Variants in TMEM145 observed in about 807,000 individuals in gnomAD.
The protein encoded by TMEM145 is transmembrane protein 145.
Under a neutral mutation model 68.5 loss-of-function variants are expected in TMEM145, and 46 were observed. The observed-to-expected ratio is 0.67, with a 90% CI of 0.53 to 0.86. The LOEUF is 0.86. TMEM145 is among the 40% of genes least tolerant of loss of function. TMEM145 has a pLI of 0.00. For missense variants in TMEM145, 570 were observed against 645.8 expected (o/e 0.88, Z 1.27); for synonymous variants, 255 against 280.2 (o/e 0.91, Z 0.90).
chr19:42,321,386 GTTTTTTT>G lies in TMEM145; in HGVS notation c.1194+964_1194+970del, dbSNP rs751803295. 5 of 160,000 alleles carry G rather than the reference GTTTTTTT, an allele frequency of 3.1e-5. No individual in the cohort carries two copies. The South Asian group carries it at 8.6e-4, about 27-fold the overall frequency. The allele number at this position is 160,000 out of a possible 1,614,324, so 9.9% of individuals were successfully genotyped here. On this transcript the variant is annotated intron_variant, in intron 13 of 14. Transcript: ENST00000301204. ...GCACGCCACCATGCCCGGTTAAGTG[GTTTTTTT>G]TTTTTTTTTTTTTTGAGACGGAGTC...
At chr19:42,316,776 G>T (rs768028391) in intron 10 of TMEM145, 36 bp downstream of exon 10, 18 of 1,611,528 alleles carry the variant, frequency 1.1e-5, no homozygotes, top group South Asian at 3.3e-5. Context: ...GGCGGCTGGT[G>T]GGGGAGCAGG....
At chr19:42,317,962 C>T in intron 12 of TMEM145, 81 bp downstream of exon 12, 1 of 1,485,458 alleles carries the variant, frequency 6.7e-7, no homozygotes, top group Non-Finnish European at 9.3e-7. Flanking sequence ...CTCAGACCCT[C>T]CATAGTGAGG....
intron 12 of TMEM145, among the ~76,000 whole-genome samples, chr19:42,318,926 A>G (rs937552451): frequency 1.3e-5 from 2 of 152,046 alleles, no homozygotes; most frequent in African/African-American, 4.8e-5. Context: ...TACTAAAAAT[A>G]CAAAAAAATT....
At position 42,316,716 on chromosome 19, in the gene TMEM145, T is replaced by A. The variant is rs1359832327; in HGVS notation, c.782T>A (p.Leu261Gln). 6.5e-7 allele frequency: 1 copy of A among 1,537,352 alleles called. No individual in the cohort carries two copies. Residue 261 changes from leucine to glutamine, a missense_variant, in exon 10 of 15, where the codon CTG becomes CAG. Physicochemically the swap from Leu to Gln is moderately radical, Grantham distance 113. Coordinates refer to ENST00000301204, the MANE Select transcript of TMEM145 (RefSeq NM_173633.3). ...ATCTTCCTGCTGATGCTTATCCTCC[T>A]GGGGAAGGGATTCACGGTGACACGG... ...FLIFLLMLIL[L>Q]GKGFTVTRGR... is the part of the protein sequence containing the mutation.
rs2038933252 is a variant in TMEM145 at position 42,323,673 on chromosome 19, G to A, written c.1285G>A (p.Gly429Arg). ...IASAGVPGPGGSQSADKAFPQ... is the reference protein window; with the variant it reads ...IASAGVPGPGRSQSADKAFPQ... ...TTCAGCCGGAGTCCCTGGACCCGGAGGGAGCCAATCCGCTGACAAGGCCTT... is the reference window on the plus strand; with the variant it reads ...TTCAGCCGGAGTCCCTGGACCCGGAAGGAGCCAATCCGCTGACAAGGCCTT... The change falls in exon 14 of 15, where the codon GGG becomes AGG. Residue 429 changes from glycine to arginine, a missense_variant. By Grantham distance (125) the Gly-to-Arg change is moderately radical (BLOSUM62 -2). Transcript: ENST00000301204. 4 of 1,614,060 alleles carry A rather than the reference G, an allele frequency of 2.5e-6. No individual in the cohort carries two copies. Among genetic ancestry groups the A allele is most frequent in the Non-Finnish European group, 3.4e-6 (4 of 1,180,032 alleles).
chr19:42,317,822 G>A lies in TMEM145; in HGVS notation c.1014G>A (p.Leu338=). The A allele has an allele frequency of 6.2e-7, 1 of 1,614,200 alleles. No individual in the cohort carries two copies. Among genetic ancestry groups the A allele is most frequent in the Non-Finnish European group, 8.5e-7 (1 of 1,180,034 alleles). The change falls in exon 12 of 15, where the codon CTG becomes CTA. Residue 338 remains leucine, a synonymous_variant. Transcript: ENST00000301204. ...TCTGCTATGCTGTGCTTGTCTCACT[G>A]CGACACTTTCCTGAGAAGCAGCCTT... The part of the protein sequence containing the change: ...VWFCYAVLVS[L]RHFPEKQPFY...
Position 42,323,589 on chromosome 19 carries a change from A to AC in TMEM145, c.1204dup (p.Arg402ProfsTer33). The AC allele has an allele frequency of 6.2e-7, 1 of 1,613,716 alleles. No homozygotes were observed. Among genetic ancestry groups the AC allele is most frequent in the Non-Finnish European group, 8.5e-7 (1 of 1,179,936 alleles). On this transcript the variant is annotated frameshift_variant, in exon 14 of 15. Coordinates refer to ENST00000301204, the MANE Select transcript of TMEM145 (RefSeq NM_173633.3). LOFTEE classifies it high-confidence loss of function. ...CTCCTGGCCCTGGCCTCAGATCATG[A>AC]CCCGCCCATCAGCGGCCAACAAGAA...
rs1228734402 is a variant in TMEM145 at position 42,313,835 on chromosome 19, C to G, written c.120+339C>G. 6.6e-6 allele frequency among the ~76,000 whole-genome samples: 1 copy of G among 152,030 alleles called. No individual in the cohort carries two copies. The highest frequency in any genetic ancestry group is 2.4e-5 in the African/African-American group (1 of 41,404). On this transcript the variant is annotated intron_variant, in intron 1 of 14. Coordinates refer to ENST00000301204, the MANE Select transcript of TMEM145 (RefSeq NM_173633.3). The surrounding 1 kb of genome is among the most constrained non-coding windows in gnomAD (Gnocchi z 5.1). ...CAGCAGAGAGCCCCGAGCTCGCCGC[C>G]ACACTCCCGCTCAGGACCGGGAGGG...
chr19:42,319,269 G>A (rs1837553124), intron 12 of TMEM145, among the ~76,000 whole-genome samples: 1 of 152,092 alleles, frequency 6.6e-6, no homozygotes, highest in African/African-American at 2.4e-5. Context: ...ACTTCTCTCT[G>A]CCTCAGTTTC....
intron 14 of TMEM145, chr19:42,324,324 C>T (rs903932986): frequency 4.1e-6 from 4 of 985,272 alleles, no homozygotes; most frequent in Non-Finnish European, 4.8e-6. Context: ...GCGGTGGCCC[C>T]GAGGGGCCGC....
At chr19:42,320,998 C>T in intron 13 of TMEM145, 1 of 398,914 alleles carries the variant, frequency 2.5e-6, no homozygotes, top group Non-Finnish European at 4.4e-6. Context: ...CCCATCCTCT[C>T]TCTTTGCCCT....
In TMEM145 at chr19:42,320,456, G is replaced by A. The variant is rs200550655; in HGVS notation, c.1194+19G>A. ...GTTTCTGGTGAGGATGGGCATCTGT[G>A]GGGGGTGGAGGGGAGGACCCGAGGG... On this transcript the variant is annotated intron_variant, in intron 13 of 14. Coordinates refer to ENST00000301204, the MANE Select transcript of TMEM145 (RefSeq NM_173633.3). 491 of 1,612,950 alleles carry A rather than the reference G, an allele frequency of 3.0e-4. 6 individuals are homozygous for A. The South Asian group carries it at 5.0e-3, about 17-fold the overall frequency.
intron 13 of TMEM145, among the ~76,000 whole-genome samples, chr19:42,321,998 C>T (rs997102976): frequency 6.6e-6 from 1 of 152,208 alleles, no homozygotes; most frequent in African/African-American, 2.4e-5. Flanking sequence ...TGAACCCTAT[C>T]CTTCTCCAGC....
At chr19:42,324,056 A>C (rs1404419561) in intron 14 of TMEM145, among the ~76,000 whole-genome samples, 2 of 145,002 alleles carry the variant, frequency 1.4e-5, no homozygotes, top group Admixed American at 6.7e-5. Flanking sequence ...GCTCTCCCCC[A>C]GCTCCCCGGC....
intron 13 of TMEM145, among the ~76,000 whole-genome samples, chr19:42,323,138 T>C (rs2038927096): frequency 6.6e-6 from 1 of 152,250 alleles, no homozygotes; most frequent in South Asian, 2.1e-4. Flanking sequence ...AATTGAACTT[T>C]CTGTATTTAT....
intron 12 of TMEM145, among the ~76,000 whole-genome samples, chr19:42,318,622 G>A (rs2038883057): frequency 6.6e-6 from 1 of 151,606 alleles, no homozygotes; most frequent in Admixed American, 6.6e-5. Context: ...GGGAGGCAGA[G>A]GTTGCAGTGA....
chr19:42,315,697 G>A (rs888051175), intron 8 of TMEM145, among the ~76,000 whole-genome samples: 1 of 151,902 alleles, frequency 6.6e-6, no homozygotes, highest in African/African-American at 2.4e-5. Context: ...GGGGGAGGAG[G>A]GGGTGGGACC....
Position 42,323,737 on chromosome 19 carries a change from A to C in TMEM145, c.1349A>C (p.Asp450Ala). The C allele has an allele frequency of 6.2e-7, 1 of 1,614,004 alleles. No individual in the cohort carries two copies. Among genetic ancestry groups the C allele is most frequent in the Non-Finnish European group, 8.5e-7 (1 of 1,179,976 alleles). ...TATGGGAACGTGACGTTTATCAGCG[A>C]CTCGGTGCCCAACTTCACGGAGCTC... Reference protein sequence around the residue: ...HVYGNVTFISDSVPNFTELFS... With the variant: ...HVYGNVTFISASVPNFTELFS... Residue 450 changes from aspartate to alanine, a missense_variant, in exon 14 of 15, where the codon GAC (aspartate) becomes GCC (alanine). Asp to Ala is a moderately radical substitution (Grantham distance 126). Coordinates refer to ENST00000301204, the MANE Select transcript of TMEM145 (RefSeq NM_173633.3).
Position 42,313,578 on chromosome 19 carries a change from C to T in TMEM145, c.120+82C>T. On this transcript the variant is annotated intron_variant, in intron 1 of 14. Transcript: ENST00000301204. This position sits in a 1 kb window ranked among gnomAD's most constrained non-coding sequence, Gnocchi z 5.1. ...GCGAGGGGAGCGGGTACCGCCTCGC[C>T]CCCTGCCGCCCCTCCTGGCGGACTC... 5.6e-6 allele frequency: 6 copies of T among 1,071,316 alleles called. No homozygotes were observed. Among genetic ancestry groups the T allele is most frequent in the Non-Finnish European group, 7.2e-6 (6 of 835,958 alleles). 66.4% of individuals were successfully genotyped at this position (1,071,316 alleles called of 1,614,324 possible). A position where few individuals can be genotyped will look rare whatever the true frequency, so the allele number is the denominator to read the frequency against.
Sources: gnomAD v4.1 joint callset for allele counts (sites outside exome capture counted in the v4.1 genomes callset) on GRCh38, gnomAD v4.1.1 for gene constraint, Gnocchi (gnomAD v3.1) non-coding constraint, MANE v1.5 for transcripts, NCBI Gene and HGNC (gene_info 2026-07-23, HGNC 2026-07-21) for gene names.